The following NFKB1 variants were observed in gnomAD, a reference collection of about 807,000 sequenced individuals.
NFKB1 encodes the protein nuclear factor NF-kappa-B p105 subunit.
Under a neutral mutation model 105.1 loss-of-function variants are expected in NFKB1, and 9 were observed. The observed-to-expected ratio is 0.09, with a 90% CI of 0.05 to 0.15. The LOEUF is 0.15. Among genes scored for constraint, NFKB1 ranks in the 10% least tolerant of loss-of-function variants. The pLI is 1.00. For synonymous variants in NFKB1, 440 were observed against 442.2 expected (o/e 1.00, Z 0.06); for missense variants, 830 against 1,203.7 (o/e 0.69, Z 4.59).
At chr4:102,610,806 T>G in intron 20 of NFKB1, 107 bp downstream of exon 20, 1 of 1,327,816 alleles carries the variant, frequency 7.5e-7, no homozygotes, top group Admixed American at 2.7e-5. Flanking sequence ...AGAACATGCC[T>G]TTTATTTTTA....
chr4:102,594,801 GCTGTGCTCACCT>G, intron 12 of NFKB1, 79 bp from the exon 13 acceptor site: 1 of 864,790 alleles, frequency 1.2e-6, no homozygotes, highest in Non-Finnish European at 1.9e-6. Flanking sequence ...CACACCAAAG[GCTGTGCTCACCT>G]GAGAGACAGA....
rs777171665 is a variant in NFKB1, at chr4:102,566,982, T to C, written c.259-5T>C. On this transcript the variant is annotated splice_region_variant and splice_polypyrimidine_tract_variant and intron_variant, in intron 5 of 23. Coordinates refer to ENST00000226574, the MANE Select transcript of NFKB1 (RefSeq NM_003998.4). ...GCTAACTTTTGGAATGTGCTTCTTA[T>C]ATAGATCTGCAACTATGTGGGACCA... 30 of 1,613,646 alleles carry C rather than the reference T, an allele frequency of 1.9e-5. No individual in the cohort carries two copies. Among genetic ancestry groups the C allele is most frequent in the Non-Finnish European group, 2.3e-5 (27 of 1,179,694 alleles).
At chr4:102,531,643 T>G (rs564554750) in intron 3 of NFKB1, among the ~76,000 whole-genome samples, 2 of 152,340 alleles carry the variant, frequency 1.3e-5, no homozygotes, top group Non-Finnish European at 2.9e-5. Context: ...CACAGAAATG[T>G]GGCCAAAAGA....
intron 22 of NFKB1, 92 bp from the exon 23 acceptor site, chr4:102,613,333 C>A: frequency 7.5e-7 from 1 of 1,339,288 alleles, no homozygotes; most frequent in Non-Finnish European, 1.0e-6. Flanking sequence ...GAGGAGGCAG[C>A]ATGGAAGAGG....
intron 11 of NFKB1, among the ~76,000 whole-genome samples, chr4:102,590,787 G>A (rs1266405106): frequency 1.3e-5 from 2 of 152,128 alleles, no homozygotes; most frequent in African/African-American, 2.4e-5. Context: ...TCAAGTGAAA[G>A]GAAAAGTCAC....
intron 2 of NFKB1, among the ~76,000 whole-genome samples, chr4:102,526,561 A>G (rs1740928016): frequency 6.6e-6 from 1 of 152,210 alleles, no homozygotes; most frequent in African/African-American, 2.4e-5. Context: ...TAGTGAAAAG[A>G]TCTTTGAACT....
chr4:102,607,515 C>T, intron 18 of NFKB1, 134 bp from the exon 19 acceptor site: 1 of 1,150,584 alleles, frequency 8.7e-7, no homozygotes, highest in East Asian at 2.4e-5. Flanking sequence ...CTGGGGATTT[C>T]TTCAATGACA....
At chr4:102,535,582 G>A (rs571852116) in intron 4 of NFKB1, among the ~76,000 whole-genome samples, 1 of 152,240 alleles carries the variant, frequency 6.6e-6, no homozygotes, top group African/African-American at 2.4e-5. Flanking sequence ...TAAGCAAATG[G>A]AGTTACTGAG....
chr4:102,506,443 C>T (rs1739421002), intron 1 of NFKB1, among the ~76,000 whole-genome samples: 1 of 152,152 alleles, frequency 6.6e-6, no homozygotes, highest in Admixed American at 6.5e-5. Context: ...TGGCAAACCT[C>T]AGGAACAAGC....
chr4:102,529,243 C>T (rs1401800551), intron 2 of NFKB1, among the ~76,000 whole-genome samples: 2 of 152,068 alleles, frequency 1.3e-5, no homozygotes, highest in Non-Finnish European at 2.9e-5. Context: ...TTGTGTTATG[C>T]TAGGAAACTG....
intron 11 of NFKB1, among the ~76,000 whole-genome samples, chr4:102,591,982 T>A (rs1726218166): frequency 6.6e-6 from 1 of 152,206 alleles, no homozygotes; most frequent in South Asian, 2.1e-4. Context: ...AGAAATTGAT[T>A]CCAGCCCTCG....
intron 16 of NFKB1, among the ~76,000 whole-genome samples, chr4:102,603,517 A>G (rs1348486982): frequency 6.6e-6 from 1 of 152,180 alleles, no homozygotes; most frequent in Non-Finnish European, 1.5e-5. Context: ...GACTCTCAGA[A>G]GACTATACGT....
chr4:102,550,362 CAGG>C (rs993230587), intron 5 of NFKB1, among the ~76,000 whole-genome samples: 1 of 152,090 alleles, frequency 6.6e-6, no homozygotes, highest in Non-Finnish European at 1.5e-5. Context: ...TTCCTTTTAG[CAGG>C]AGAAGTTTTT....
intron 1 of NFKB1, among the ~76,000 whole-genome samples, chr4:102,506,963 A>G (rs1578697719): frequency 6.7e-6 from 1 of 149,918 alleles, no homozygotes; most frequent in Non-Finnish European, 1.5e-5. Context: ...GGTTATATAT[A>G]TACATATTTG....
intron 5 of NFKB1, among the ~76,000 whole-genome samples, chr4:102,559,061 T>C (rs1723198473): frequency 2.6e-5 from 4 of 151,582 alleles, no homozygotes. Flanking sequence ...CTGGAAAGAG[T>C]GTTCTAGGCA....
intron 1 of NFKB1, among the ~76,000 whole-genome samples, chr4:102,510,605 A>G (rs182050612): frequency 5.3e-5 from 8 of 152,310 alleles, no homozygotes; most frequent in African/African-American, 1.9e-4. Flanking sequence ...GGAACTGCCC[A>G]TTTTGTCGAT....
At chr4:102,579,646 AAT>A (rs1553934286) in intron 8 of NFKB1, among the ~76,000 whole-genome samples, 168 of 124,118 alleles carry the variant, frequency 1.4e-3, no homozygotes, top group African/African-American at 2.5e-3. Context: ...CAAAAAAAAA[AAT>A]ATATATATAT....
rs771378282 is a variant in NFKB1, at chr4:102,566,981, A to G, written c.259-6A>G. ...TGCTAACTTTTGGAATGTGCTTCTT[A>G]TATAGATCTGCAACTATGTGGGACC... is the stretch of plus-strand genomic sequence containing the variant. On this transcript the variant is annotated splice_region_variant and splice_polypyrimidine_tract_variant and intron_variant, in intron 5 of 23. Transcript: ENST00000226574. 6 of 1,613,764 alleles carry G rather than the reference A, an allele frequency of 3.7e-6. No homozygotes were observed. Among genetic ancestry groups the G allele is most frequent in the Non-Finnish European group, 5.1e-6 (6 of 1,179,702 alleles).
intron 1 of NFKB1, among the ~76,000 whole-genome samples, chr4:102,505,019 G>C (rs1739336765): frequency 6.6e-6 from 1 of 152,116 alleles, no homozygotes; most frequent in South Asian, 2.1e-4. Flanking sequence ...GAAAAAAAGA[G>C]AAAAAAGTAG....
Sources: allele counts gnomAD v4.1 joint callset (sites outside exome capture counted in the v4.1 genomes callset), GRCh38; gene constraint gnomAD v4.1.1; transcripts MANE v1.5; gene names NCBI Gene and HGNC (gene_info 2026-07-23, HGNC 2026-07-21).